Variants in NSUN3 observed in about 807,000 individuals in gnomAD.
The protein encoded by NSUN3 is NOP2/Sun RNA methyltransferase 3, also known as tRNA (cytosine(34)-C(5))-methyltransferase, mitochondrial.
In NSUN3, 24 loss-of-function variants were observed where a neutral mutation model predicts 36.8. The observed-to-expected ratio is 0.65, with a 90% confidence interval of 0.47 to 0.92. NSUN3 has a LOEUF of 0.92. Ranked by LOEUF, NSUN3 falls within the 40% of genes least tolerant of loss-of-function variation. The probability of loss-of-function intolerance (pLI) is 0.00; values close to 1 mark genes in which losing one functional copy is unlikely to be tolerated. For missense variants in NSUN3, 381 were observed against 392.8 expected (o/e 0.97, Z 0.25); for synonymous variants, 146 against 145.2 (o/e 1.01, Z -0.04).
intron 5 of NSUN3, among the ~76,000 whole-genome samples, chr3:94,103,670 T>G (rs2077374919): frequency 1.3e-5 from 2 of 152,134 alleles, no homozygotes. Context: ...ATCATGAACA[T>G]TTCAATTATT....
At chr3:94,120,115 C>A (rs1356406862) in intron 5 of NSUN3, among the ~76,000 whole-genome samples, 1 of 152,214 alleles carries the variant, frequency 6.6e-6, no homozygotes, top group Admixed American at 6.5e-5. Context: ...GAAAAAGAAT[C>A]ATACTTACTT....
At chr3:94,096,671 G>A (rs1280558889) in intron 5 of NSUN3, among the ~76,000 whole-genome samples, 1 of 152,026 alleles carries the variant, frequency 6.6e-6, no homozygotes, top group Non-Finnish European at 1.5e-5. Flanking sequence ...GCTAATTTTT[G>A]TATTTTTAGT....
intron 3 of NSUN3, among the ~76,000 whole-genome samples, chr3:94,088,899 C>T (rs1195810652): frequency 6.6e-6 from 1 of 151,860 alleles, no homozygotes; most frequent in East Asian, 1.9e-4. Flanking sequence ...GAGCTCCTGA[C>T]CTCAGGCGAT....
At chr3:94,118,430 A>G (rs2077449024) in intron 5 of NSUN3, among the ~76,000 whole-genome samples, 1 of 152,172 alleles carries the variant, frequency 6.6e-6, no homozygotes, top group African/African-American at 2.4e-5. Flanking sequence ...ACTTTTAAGT[A>G]TGATTAGAAA....
chr3:94,072,744 A>G (rs766680066), intron 2 of NSUN3, among the ~76,000 whole-genome samples: 2 of 152,154 alleles, frequency 1.3e-5, no homozygotes, highest in Non-Finnish European at 2.9e-5. Context: ...TCTAGTCACT[A>G]AAGAATGAGA....
intron 2 of NSUN3, chr3:94,076,421 A>G (rs1199245754): frequency 1.0e-5 from 8 of 797,294 alleles, no homozygotes; most frequent in Admixed American, 1.7e-5. Flanking sequence ...ATCCCAAATC[A>G]TAAGTTTCTG....
At position 94,126,245 on chromosome 3, in the gene NSUN3, C is replaced by T; in HGVS notation, c.778C>T (p.Leu260Phe). Reference protein sequence around the residue: ...AIKALRPGGILVYSTCTLSKA... With the variant: ...AIKALRPGGIFVYSTCTLSKA... ...TAAGGCCTTACGTCCTGGAGGGATA[C>T]TTGTATACTCTACATGCACGCTTTC... is the stretch of plus-strand genomic sequence containing the variant. Residue 260 changes from leucine to phenylalanine, a missense_variant, in exon 6 of 6, where the codon CTT becomes TTT. Physicochemically the swap from Leu to Phe is conservative, Grantham distance 22 (BLOSUM62 0). Transcript: ENST00000314622. The T allele has an allele frequency of 3.1e-6, 5 of 1,614,082 alleles. No homozygotes were observed. The highest frequency in any genetic ancestry group is 4.2e-6 in the Non-Finnish European group (5 of 1,179,980).
At chr3:94,105,311 A>G (rs936150662) in intron 5 of NSUN3, among the ~76,000 whole-genome samples, 12 of 152,202 alleles carry the variant, frequency 7.9e-5, no homozygotes, top group Admixed American at 2.0e-4. Context: ...CTATCCGTTA[A>G]GAGTCCCTGT....
chr3:94,123,016 A>G (rs1237632074), intron 5 of NSUN3, among the ~76,000 whole-genome samples: 4 of 152,242 alleles, frequency 2.6e-5, no homozygotes, highest in African/African-American at 9.6e-5. Flanking sequence ...TGAGCAGAAT[A>G]CCACTGAAAC....
At chr3:94,112,852 G>A (rs1244085952) in intron 5 of NSUN3, among the ~76,000 whole-genome samples, 1 of 152,152 alleles carries the variant, frequency 6.6e-6, no homozygotes, top group African/African-American at 2.4e-5. Context: ...GCTGGAAGAT[G>A]TGAAGAGAAT....
intron 5 of NSUN3, among the ~76,000 whole-genome samples, chr3:94,112,723 G>T (rs1437927847): frequency 1.3e-5 from 2 of 152,212 alleles, no homozygotes; most frequent in Non-Finnish European, 2.9e-5. Flanking sequence ...GGCAGTTTAG[G>T]AAATTAGCCT....
At chr3:94,076,966 G>A in intron 2 of NSUN3, 1 of 976,624 alleles carries the variant, frequency 1.0e-6, no homozygotes. Context: ...ATGTGTGTGT[G>A]TACCCAGGAC....
intron 5 of NSUN3, among the ~76,000 whole-genome samples, chr3:94,113,014 G>A (rs1395704083): frequency 2.6e-5 from 4 of 151,956 alleles, no homozygotes; most frequent in South Asian, 2.1e-4. Context: ...ACAGGGACCC[G>A]CCACCATGCC....
chr3:94,090,227 T>C (rs1481753125), intron 3 of NSUN3, among the ~76,000 whole-genome samples: 2 of 152,200 alleles, frequency 1.3e-5, no homozygotes, highest in Non-Finnish European at 2.9e-5. Flanking sequence ...ATTTGGTTGT[T>C]TTTGACAATT....
At chr3:94,067,902 A>T (rs1205746887) in intron 2 of NSUN3, among the ~76,000 whole-genome samples, 1 of 152,040 alleles carries the variant, frequency 6.6e-6, no homozygotes, top group Non-Finnish European at 1.5e-5. Flanking sequence ...CCATTGTGTC[A>T]CACCTTGAGT....
At chr3:94,108,286 T>C (rs946463995) in intron 5 of NSUN3, among the ~76,000 whole-genome samples, 2 of 152,218 alleles carry the variant, frequency 1.3e-5, no homozygotes, top group African/African-American at 4.8e-5. Context: ...TTAAATATAT[T>C]TTCTTTGTTT....
At chr3:94,124,790 A>G (rs2077478673) in intron 5 of NSUN3, among the ~76,000 whole-genome samples, 1 of 152,204 alleles carries the variant, frequency 6.6e-6, no homozygotes. Context: ...TCCCCCAGCT[A>G]GAATGTAAGC....
chr3:94,095,089 T>G lies in NSUN3; in HGVS notation c.678T>G (p.Ser226=), dbSNP rs1218157123. The G allele has an allele frequency of 1.2e-6, 2 of 1,613,858 alleles. No homozygotes were observed. The highest frequency in any genetic ancestry group is 1.3e-5 in the African/African-American group (1 of 74,920). The change falls in exon 5 of 6, where the codon TCT becomes TCG. Residue 226 remains serine, a synonymous_variant. Transcript: ENST00000314622. ...NDRSWLFSSD[S]QKASCRISQR... ...GAAGCTGGTTGTTTTCTTCTGACTC[T>G]CAGAAGGCATCCTGTAGGATAAGTC...
chr3:94,084,522 T>C, intron 3 of NSUN3, 72 bp downstream of exon 3: 1 of 1,178,678 alleles, frequency 8.5e-7, no homozygotes, highest in Non-Finnish European at 1.2e-6. Flanking sequence ...TGAAAGTATA[T>C]ATGGGGAGAA....
Sources: allele counts gnomAD v4.1 joint callset (sites outside exome capture counted in the v4.1 genomes callset), GRCh38; gene constraint gnomAD v4.1.1; transcripts MANE v1.5; gene names NCBI Gene and HGNC (gene_info 2026-07-23, HGNC 2026-07-21).